MPPED1: variants seen among roughly 807,000 people sequenced by gnomAD.
MPPED1 encodes the protein metallophosphoesterase domain-containing protein 1.
In MPPED1, 16 loss-of-function variants were observed where a neutral mutation model predicts 36.2. The ratio of observed to expected loss-of-function variants is 0.44; its 90% CI spans 0.30 to 0.67. MPPED1 has a LOEUF of 0.67. Ranked by LOEUF, MPPED1 falls within the 30% of genes least tolerant of loss-of-function variation. The pLI is 0.10. For missense variants in MPPED1, 307 were observed against 453.4 expected (o/e 0.68, Z 2.93); for synonymous variants, 199 against 191.3 (o/e 1.04, Z -0.33).
chr22:43,432,434 G>GGAGA (rs1329493096), intron 2 of MPPED1, among the ~76,000 whole-genome samples: 2 of 120,282 alleles, frequency 1.7e-5, no homozygotes, highest in Admixed American at 8.4e-5. Flanking sequence ...GAGAAAGGGA[G>GGAGA]GAGAGAAAGG....
intron 5 of MPPED1, among the ~76,000 whole-genome samples, chr22:43,501,221 G>T (rs1484283127): frequency 6.6e-6 from 1 of 152,212 alleles, no homozygotes; most frequent in Non-Finnish European, 1.5e-5. Flanking sequence ...TCCTGGGACG[G>T]TTCCCGTCAA....
intron 1 of MPPED1, among the ~76,000 whole-genome samples, chr22:43,414,133 A>G (rs1015468610): frequency 5.9e-5 from 9 of 152,206 alleles, no homozygotes; most frequent in African/African-American, 1.4e-4. Context: ...TTGAGCCCCA[A>G]CTGTCAGGAA....
intron 6 of MPPED1, among the ~76,000 whole-genome samples, chr22:43,504,501 G>A (rs1215555172): frequency 6.6e-6 from 1 of 151,570 alleles, no homozygotes; most frequent in Non-Finnish European, 1.5e-5. Context: ...TGATGGTGGT[G>A]GTGGTGATGA....
intron 2 of MPPED1, among the ~76,000 whole-genome samples, chr22:43,432,369 GA>G (rs1929728574): frequency 2.2e-5 from 3 of 135,822 alleles, no homozygotes; most frequent in Admixed American, 7.2e-5. Context: ...GAGAAAGGGA[GA>G]GAGAAAGGGA....
At chr22:43,435,814 T>A (rs928960162) in intron 3 of MPPED1, among the ~76,000 whole-genome samples, 8 of 152,068 alleles carry the variant, frequency 5.3e-5, no homozygotes, top group African/African-American at 1.9e-4. Flanking sequence ...CCCAGATCAC[T>A]CCACTGCACT....
chr22:43,496,214 G>A (rs1218331346), intron 4 of MPPED1, among the ~76,000 whole-genome samples: 23 of 119,890 alleles, frequency 1.9e-4, no homozygotes, highest in Non-Finnish European at 3.6e-4. Context: ...GGAGGTAGTG[G>A]TGGTGGAGAT....
chr22:43,447,883 A>ATATATATATTTTT (rs1321289636), intron 3 of MPPED1, among the ~76,000 whole-genome samples: 6 of 67,706 alleles, frequency 8.9e-5, no homozygotes, highest in Non-Finnish European at 1.3e-4. Flanking sequence ...ATATATATAT[A>ATATATATATTTTT]TTTTTTTTTT....
chr22:43,423,132 G>A (rs532562800), intron 1 of MPPED1, among the ~76,000 whole-genome samples: 1 of 152,262 alleles, frequency 6.6e-6, no homozygotes, highest in South Asian at 2.1e-4. Flanking sequence ...CCACTGCACC[G>A]GGCCTCAAAT....
chr22:43,419,516 C>T (rs556276855), intron 1 of MPPED1, among the ~76,000 whole-genome samples: 38 of 152,240 alleles, frequency 2.5e-4, no homozygotes, highest in Admixed American at 1.9e-3. Context: ...ATGACTGAGC[C>T]GGGCCTGAGA....
At chr22:43,473,208 C>T (rs1054935958) in intron 3 of MPPED1, among the ~76,000 whole-genome samples, 3 of 149,344 alleles carry the variant, frequency 2.0e-5, no homozygotes, top group African/African-American at 5.2e-5. Flanking sequence ...GGACAGACCA[C>T]GGTGCCCGTG....
At chr22:43,456,021 CTTGTGGT>C (rs1930740609) in intron 3 of MPPED1, among the ~76,000 whole-genome samples, 1 of 152,192 alleles carries the variant, frequency 6.6e-6, no homozygotes, top group South Asian at 2.1e-4. Flanking sequence ...CCTCTTGTAG[CTTGTGGT>C]GGCTGTTGGC....
At chr22:43,498,840 T>G (rs1932515373) in intron 5 of MPPED1, among the ~76,000 whole-genome samples, 1 of 151,612 alleles carries the variant, frequency 6.6e-6, no homozygotes, top group Non-Finnish European at 1.5e-5. Context: ...TCCCCTCATC[T>G]GCATACTGCC....
chr22:43,422,034 G>T (rs1033991554), intron 1 of MPPED1, among the ~76,000 whole-genome samples: 8 of 152,178 alleles, frequency 5.3e-5, no homozygotes, highest in Non-Finnish European at 8.8e-5. Context: ...GTGCACAAGG[G>T]GGGAGCCCGA....
chr22:43,432,775 A>AGAGAGAGAGAAAGGGAG lies in MPPED1; in HGVS notation c.225-2248_225-2232dup. On this transcript the variant is annotated intron_variant, in intron 2 of 6. Coordinates refer to ENST00000443721, the MANE Select transcript of MPPED1 (RefSeq NM_001044370.2). ...GAGGAGAGGGAAAGAGAAAGGGAGGAGAGAGAGAGAAAGGGAGGAGAGAGA... is the reference window on the plus strand; with the variant it reads ...GAGGAGAGGGAAAGAGAAAGGGAGGAGAGAGAGAGAAAGGGAGGAGAGAGAGAAAGGGAGGAGAGAGA... 8.2e-5 allele frequency among the ~76,000 whole-genome samples: 3 copies of AGAGAGAGAGAAAGGGAG among 36,410 alleles called. 1 individual carries two copies. The highest frequency in any genetic ancestry group is 3.4e-4 in the African/African-American group (3 of 8,750). 23.9% of individuals were successfully genotyped at this position (36,410 alleles called of 152,430 possible).
chr22:43,450,706 G>A (rs537365965), intron 3 of MPPED1, among the ~76,000 whole-genome samples: 16 of 150,100 alleles, frequency 1.1e-4, no homozygotes, highest in Non-Finnish European at 2.2e-4. Context: ...AGAGTAGATG[G>A]CTCAGTTGAT....
chr22:43,455,494 G>A (rs1011177002), intron 3 of MPPED1, among the ~76,000 whole-genome samples: 1 of 152,090 alleles, frequency 6.6e-6, no homozygotes, highest in Non-Finnish European at 1.5e-5. Context: ...CTCACTAAGG[G>A]TCCTGTCTCT....
At chr22:43,470,447 C>T (rs1003065321) in intron 3 of MPPED1, among the ~76,000 whole-genome samples, 1 of 152,204 alleles carries the variant, frequency 6.6e-6, no homozygotes, top group African/African-American at 2.4e-5. Context: ...ATCTATAAAC[C>T]ATCCATCCAT....
At chr22:43,424,010 G>A (rs998890246) in intron 1 of MPPED1, among the ~76,000 whole-genome samples, 15 of 150,790 alleles carry the variant, frequency 9.9e-5, no homozygotes, top group Non-Finnish European at 5.9e-5. Flanking sequence ...CCTGGGGCCT[G>A]CATTTCCAAG....
intron 2 of MPPED1, among the ~76,000 whole-genome samples, chr22:43,432,420 G>A (rs1381583853): frequency 7.6e-6 from 1 of 131,918 alleles, no homozygotes; most frequent in African/African-American, 3.1e-5. Context: ...ATAAAGGGAG[G>A]AGAGAGAAAG....
Sources: gnomAD v4.1 joint callset for allele counts (sites outside exome capture counted in the v4.1 genomes callset) on GRCh38, gnomAD v4.1.1 for gene constraint, MANE v1.5 for transcripts, NCBI Gene and HGNC (gene_info 2026-07-23, HGNC 2026-07-21) for gene names.